Variants in FCHO2 observed in about 807,000 individuals in gnomAD.
FCHO2 encodes FCH and mu domain containing endocytic adaptor 2.
FCHO2 carries 43 observed loss-of-function variants against 114.1 expected under a neutral mutation model. That is an observed-to-expected ratio of 0.38 (90% CI 0.30 to 0.49). The LOEUF (loss-of-function observed/expected upper bound fraction) is 0.49, where lower values mean the gene tolerates loss of function less well. Among genes scored for constraint, FCHO2 ranks in the 20% least tolerant of loss-of-function variants. The probability of loss-of-function intolerance (pLI) is 0.97; values close to 1 mark genes in which losing one functional copy is unlikely to be tolerated. For synonymous variants in FCHO2, 293 were observed against 315.2 expected (o/e 0.93, Z 0.75); for missense variants, 807 against 950.4 (o/e 0.85, Z 1.98).
At chr5:73,079,174 A>G (rs1181275355) in intron 22 of FCHO2, among the ~76,000 whole-genome samples, 1 of 152,146 alleles carries the variant, frequency 6.6e-6, no homozygotes, top group Non-Finnish European at 1.5e-5. Context: ...ATCACATTTC[A>G]CTGCAGCCTC....
intron 11 of FCHO2, among the ~76,000 whole-genome samples, chr5:73,044,305 C>G (rs796723694): frequency 3.3e-5 from 5 of 152,312 alleles, no homozygotes; most frequent in African/African-American, 9.6e-5. Flanking sequence ...TGGCAACGAT[C>G]ATAGCTCACT....
At chr5:73,005,527 A>G (rs1207259668) in intron 5 of FCHO2, among the ~76,000 whole-genome samples, 2 of 152,086 alleles carry the variant, frequency 1.3e-5, no homozygotes, top group East Asian at 3.9e-4. Flanking sequence ...ATATCTTGAA[A>G]TCCTATAGCT....
At chr5:73,085,182 C>A (rs1160800722) in intron 24 of FCHO2, among the ~76,000 whole-genome samples, 1 of 152,028 alleles carries the variant, frequency 6.6e-6, no homozygotes, top group Non-Finnish European at 1.5e-5. Flanking sequence ...AACCCTGTCT[C>A]TACTAAAAAT....
chr5:72,985,168 T>C (rs1419739694), intron 2 of FCHO2, among the ~76,000 whole-genome samples: 3 of 145,792 alleles, frequency 2.1e-5, no homozygotes, highest in Non-Finnish European at 3.0e-5. Flanking sequence ...TATTCAGTAC[T>C]TTTTTTTTTT....
At chr5:72,998,069 T>C (rs1284974744) in intron 5 of FCHO2, among the ~76,000 whole-genome samples, 1 of 152,018 alleles carries the variant, frequency 6.6e-6, no homozygotes, top group African/African-American at 2.4e-5. Flanking sequence ...GCTATTTATA[T>C]ACAGGTAAAG....
rs375969109 is a variant in FCHO2 at position 73,063,852 on chromosome 5, A to C, written c.1357A>C (p.Thr453Pro). 1 of 1,611,300 alleles carries C rather than the reference A, an allele frequency of 6.2e-7. No homozygotes were observed. Among genetic ancestry groups the C allele is most frequent in the African/African-American group, 1.3e-5 (1 of 74,678 alleles). The change falls in exon 18 of 26, where the codon ACT becomes CCT. Residue 453 changes from threonine (T) to proline (P), a missense_variant. Physicochemically the swap from Thr to Pro is conservative, Grantham distance 38. Coordinates refer to ENST00000430046, the MANE Select transcript of FCHO2 (RefSeq NM_138782.3). ...LTSSSSARPT[T>P]PLSVGTIVPP... ...TCCCCCTCAACCAGCCAGGCCCACA[A>C]CTCCTCTTTCTGTAGGCACCATTGT...
rs775412435 is a variant in FCHO2, at chr5:73,041,264, A to G, written c.915-27A>G. ...AATTAGCAGACAATTCTAATTATTG[A>G]GTATTTCTGATATTTTGTTTTAATA... On this transcript the variant is annotated intron_variant, in intron 10 of 25. Coordinates refer to ENST00000430046, the MANE Select transcript of FCHO2 (RefSeq NM_138782.3). 3 of 1,426,662 alleles carry G rather than the reference A, an allele frequency of 2.1e-6. No homozygotes were observed. In the South Asian group the frequency reaches 3.5e-5, roughly 17 times the overall value. The allele number at this position is 1,426,662 out of a possible 1,614,324, so 88.4% of individuals were successfully genotyped here.
Position 73,052,434 on chromosome 5 carries a change from C to T in FCHO2, c.1100C>T (p.Ser367Leu), listed in dbSNP as rs1246507059. 3.7e-6 allele frequency: 6 copies of T among 1,602,322 alleles called. No individual in the cohort carries two copies. The highest frequency in any genetic ancestry group is 1.7e-5 in the Admixed American group (1 of 58,398). ...ATTAAGCCTATGCATCCAAATAACT[C>T]ACATCACACAATGGCTTCTTTGGAT... ...IEIKPMHPNNSHHTMASLDEL... is the reference protein window; with the variant it reads ...IEIKPMHPNNLHHTMASLDEL... Residue 367 changes from serine (S) to leucine (L), a missense_variant, in exon 13 of 26, where the codon TCA (serine) becomes TTA (leucine). Physicochemically the swap from Ser to Leu is moderately radical, Grantham distance 145. Transcript: ENST00000430046.
chr5:73,073,073 A>AT (rs1290858526), intron 19 of FCHO2, among the ~76,000 whole-genome samples: 4 of 152,006 alleles, frequency 2.6e-5, no homozygotes, highest in African/African-American at 9.7e-5. Flanking sequence ...ACAAACATAT[A>AT]TTTTTATATT....
At position 73,017,327 on chromosome 5, in the gene FCHO2, C is replaced by T; in HGVS notation, c.796+19C>T. 1 of 1,459,840 alleles carries T rather than the reference C, an allele frequency of 6.9e-7. No homozygotes were observed. The highest frequency in any genetic ancestry group is 9.3e-7 in the Non-Finnish European group (1 of 1,080,714). 90.4% of individuals were successfully genotyped at this position (1,459,840 alleles called of 1,614,324 possible). On this transcript the variant is annotated intron_variant, in intron 8 of 25. Transcript: ENST00000430046. Reference sequence around the variant, plus strand: ...AGACCTGGTAAGATGATAAACTCTGCAAGGAAACATTTTAAATTTTCCCAT... The same window carrying T: ...AGACCTGGTAAGATGATAAACTCTGTAAGGAAACATTTTAAATTTTCCCAT...
intron 2 of FCHO2, among the ~76,000 whole-genome samples, chr5:72,979,687 G>A (rs996609956): frequency 4.6e-5 from 7 of 151,914 alleles, no homozygotes; most frequent in East Asian, 3.9e-4. Flanking sequence ...CACCGCGCCC[G>A]GCCGAATTTA....
intron 1 of FCHO2, among the ~76,000 whole-genome samples, chr5:72,958,092 G>T (rs1035861977): frequency 2.0e-4 from 30 of 149,662 alleles, no homozygotes; most frequent in African/African-American, 7.4e-4. Context: ...GATACATAAT[G>T]TGCAAACATT....
In FCHO2 at chr5:73,014,895, G is replaced by A. The variant is rs556104775; in HGVS notation, c.601-731G>A. 4.0e-5 allele frequency among the ~76,000 whole-genome samples: 6 copies of A among 151,716 alleles called. No homozygotes were observed. The East Asian group carries it at 8.0e-4, about 20-fold the overall frequency. On this transcript the variant is annotated intron_variant, in intron 6 of 25. Coordinates refer to ENST00000430046, the MANE Select transcript of FCHO2 (RefSeq NM_138782.3). ...AGATCGAGACTTTCCTGGCTAACAC[G>A]GTGAAACCCGTCTCTACTAAAAATA...
intron 16 of FCHO2, 28 bp downstream of exon 16, chr5:73,056,135 A>T: frequency 1.3e-6 from 2 of 1,499,120 alleles, no homozygotes; most frequent in South Asian, 2.6e-5. Context: ...ATTTTGTTAA[A>T]AAATAGACTT....
At chr5:72,970,726 T>C (rs1752497152) in intron 2 of FCHO2, among the ~76,000 whole-genome samples, 1 of 152,008 alleles carries the variant, frequency 6.6e-6, no homozygotes, top group African/African-American at 2.4e-5. Context: ...ATACTTTAAG[T>C]TTTAGGGTAC....
intron 10 of FCHO2, among the ~76,000 whole-genome samples, chr5:73,038,925 G>GC (rs1561469192): frequency 2.6e-5 from 4 of 152,226 alleles, no homozygotes. Flanking sequence ...AAGAATCATG[G>GC]CCTTAAATTA....
At chr5:73,015,058 A>G (rs1755227751) in intron 6 of FCHO2, among the ~76,000 whole-genome samples, 1 of 141,298 alleles carries the variant, frequency 7.1e-6, no homozygotes, top group African/African-American at 2.7e-5. Context: ...CCTGGGTGAC[A>G]GAGCAAGACT....
At chr5:73,026,006 G>A (rs575672743) in intron 8 of FCHO2, among the ~76,000 whole-genome samples, 1 of 152,132 alleles carries the variant, frequency 6.6e-6, no homozygotes, top group African/African-American at 2.4e-5. Context: ...TTAAAAATTT[G>A]TATACATAGC....
chr5:73,005,293 T>A (rs764570364), intron 5 of FCHO2, among the ~76,000 whole-genome samples: 12 of 152,188 alleles, frequency 7.9e-5, no homozygotes, highest in Non-Finnish European at 1.5e-4. Flanking sequence ...TAAAGATAAT[T>A]ACATATTGGT....
Sources: gnomAD v4.1 joint callset for allele counts (sites outside exome capture counted in the v4.1 genomes callset) on GRCh38, gnomAD v4.1.1 for gene constraint, MANE v1.5 for transcripts, NCBI Gene and HGNC (gene_info 2026-07-23, HGNC 2026-07-21) for gene names.